Variants in EXOC4 observed in about 807,000 individuals in gnomAD.
EXOC4 encodes the protein exocyst complex component 4, also known as SEC8-like 1.
In EXOC4, 71 loss-of-function variants were observed where a neutral mutation model predicts 107.2. The observed-to-expected ratio is 0.66, with a 90% confidence interval of 0.55 to 0.81. The LOEUF (loss-of-function observed/expected upper bound fraction) is 0.81, where lower values mean the gene tolerates loss of function less well. Among genes scored for constraint, EXOC4 ranks in the 30% least tolerant of loss-of-function variants. The pLI, the probability that EXOC4 is intolerant of heterozygous loss-of-function variation, is 0.00. For missense variants in EXOC4, 1,108 were observed against 1,189.6 expected (o/e 0.93, Z 1.01); for synonymous variants, 456 against 441.2 (o/e 1.03, Z -0.42).
intron 9 of EXOC4, among the ~76,000 whole-genome samples, chr7:133,578,091 C>T (rs1801172520): frequency 6.6e-6 from 1 of 152,114 alleles, no homozygotes; most frequent in Non-Finnish European, 1.5e-5. Flanking sequence ...TGAATTATTA[C>T]CCATATTATT....
intron 15 of EXOC4, among the ~76,000 whole-genome samples, chr7:134,000,232 T>C (rs568617944): frequency 1.8e-3 from 268 of 152,258 alleles, no homozygotes; most frequent in African/African-American, 6.3e-3. Flanking sequence ...GGATAGTGAA[T>C]GTAGATGCAC....
At chr7:133,935,525 C>CTGTAAGACGCTGTGGTTGGTATT (rs1329998807) in intron 13 of EXOC4, among the ~76,000 whole-genome samples, 1 of 152,140 alleles carries the variant, frequency 6.6e-6, no homozygotes, top group Non-Finnish European at 1.5e-5. Flanking sequence ...AAAGTCTGGG[C>CTGTAAGACGCTGTGGTTGGTATT]TGTAAGACGC....
intron 6 of EXOC4, among the ~76,000 whole-genome samples, chr7:133,361,269 C>G (rs893599927): frequency 6.6e-6 from 1 of 152,068 alleles, no homozygotes; most frequent in African/African-American, 2.4e-5. Context: ...TTGCTTACCT[C>G]TGTATTGATT....
In EXOC4 at chr7:133,698,506, T is replaced by C. The variant is rs77099063; in HGVS notation, c.1514+68365T>C. ...CTGAGGTGGGAGATGCACCTGTGTG[T>C]ATGAGGTTGAGGTTGCAGTGAGCCA... On this transcript the variant is annotated intron_variant, in intron 10 of 17. Transcript: ENST00000253861. 9.4e-3 allele frequency among the ~76,000 whole-genome samples: 1,414 copies of C among 150,892 alleles called. 25 individuals are homozygous for C. The highest frequency in any genetic ancestry group is 0.032 in the African/African-American group (1,309 of 41,024).
At chr7:133,908,913 G>T (rs145356765) in intron 12 of EXOC4, among the ~76,000 whole-genome samples, 1 of 151,962 alleles carries the variant, frequency 6.6e-6, no homozygotes, top group Admixed American at 6.6e-5. Context: ...CAGTATACAC[G>T]GGCCGTGGTG....
Position 133,727,050 on chromosome 7 carries a change from A to G in EXOC4, c.1515-90275A>G, listed in dbSNP as rs143189499. ...TGAGATAGTTCCATTAAATTTATTC[A>G]AATATTGCACTTATTGCCTGTCAGA... On this transcript the variant is annotated intron_variant, in intron 10 of 17. Transcript: ENST00000253861. 2.1e-3 allele frequency among the ~76,000 whole-genome samples: 319 copies of G among 152,330 alleles called. 2 individuals carry two copies. The highest frequency in any genetic ancestry group is 7.4e-3 in the African/African-American group (307 of 41,572).
intron 10 of EXOC4, among the ~76,000 whole-genome samples, chr7:133,695,630 A>G (rs1794517109): frequency 6.6e-6 from 1 of 152,204 alleles, no homozygotes; most frequent in Non-Finnish European, 1.5e-5. Flanking sequence ...TGTTATAATT[A>G]ACTAATGACA....
intron 9 of EXOC4, among the ~76,000 whole-genome samples, chr7:133,551,352 T>G (rs555970075): frequency 2.0e-5 from 3 of 152,276 alleles, no homozygotes; most frequent in African/African-American, 7.2e-5. Context: ...ACTTGCTGAT[T>G]TTGTCATTTG....
intron 14 of EXOC4, among the ~76,000 whole-genome samples, chr7:133,960,107 AG>A (rs1800908330): frequency 1.3e-5 from 2 of 152,220 alleles, no homozygotes; most frequent in East Asian, 3.9e-4. Context: ...GGAAGCAGCT[AG>A]CCCAGAGAGG....
At chr7:133,338,547 T>C (rs1240343342) in intron 5 of EXOC4, among the ~76,000 whole-genome samples, 1 of 131,886 alleles carries the variant, frequency 7.6e-6, no homozygotes, top group East Asian at 2.4e-4. Flanking sequence ...GAGCCGAGAT[T>C]GCGCCACTGC....
chr7:133,298,174 CT>C (rs1463120864), intron 3 of EXOC4, among the ~76,000 whole-genome samples: 1 of 152,126 alleles, frequency 6.6e-6, no homozygotes, highest in Non-Finnish European at 1.5e-5. Context: ...ATACTAATTA[CT>C]TGTGGTTGCC....
intron 14 of EXOC4, among the ~76,000 whole-genome samples, chr7:133,968,491 C>A (rs1801123792): frequency 6.6e-6 from 1 of 152,130 alleles, no homozygotes; most frequent in African/African-American, 2.4e-5. Flanking sequence ...CTTTTCTTTT[C>A]CATATTTAGT....
chr7:133,747,814 G>A (rs1228179466), intron 10 of EXOC4, among the ~76,000 whole-genome samples: 3 of 152,090 alleles, frequency 2.0e-5, no homozygotes, highest in Admixed American at 6.6e-5. Context: ...CAACATAACT[G>A]CTCCTATTCT....
At chr7:133,639,933 T>A (rs1231588378) in intron 10 of EXOC4, among the ~76,000 whole-genome samples, 1 of 152,120 alleles carries the variant, frequency 6.6e-6, no homozygotes, top group African/African-American at 2.4e-5. Context: ...GGTATCACTC[T>A]TTAGTGAAGG....
chr7:133,663,444 C>T (rs1181264007), intron 10 of EXOC4, among the ~76,000 whole-genome samples: 1 of 152,142 alleles, frequency 6.6e-6, no homozygotes, highest in Non-Finnish European at 1.5e-5. Context: ...TCACTGAACC[C>T]CAGCCTTAAA....
chr7:133,711,754 T>G lies in EXOC4; in HGVS notation c.1514+81613T>G, dbSNP rs1307419098. On this transcript the variant is annotated intron_variant, in intron 10 of 17. Coordinates refer to ENST00000253861, the MANE Select transcript of EXOC4 (RefSeq NM_021807.4). The stretch of plus-strand genomic sequence containing the variant: ...AGCAGGAATCATTTAGGAGATTTCC[T>G]GGTTGGGAGAGAGGGTTCATTTCAT... Among the ~76,000 whole-genome samples the G allele has an allele frequency of 6.6e-5, 10 of 152,334 alleles. No homozygotes were observed. The South Asian group carries it at 1.4e-3, about 22-fold the overall frequency.
At chr7:133,422,145 A>G (rs1797621550) in intron 7 of EXOC4, among the ~76,000 whole-genome samples, 2 of 152,142 alleles carry the variant, frequency 1.3e-5, no homozygotes. Context: ...TGGGCCCATC[A>G]TTTTTGCTTA....
chr7:133,599,080 T>G (rs1398572896), intron 9 of EXOC4, among the ~76,000 whole-genome samples: 1 of 152,210 alleles, frequency 6.6e-6, no homozygotes, highest in Non-Finnish European at 1.5e-5. Context: ...AGTTTTAAAA[T>G]GTGACTACCT....
At chr7:133,614,544 C>G (rs1190852549) in intron 9 of EXOC4, among the ~76,000 whole-genome samples, 1 of 151,996 alleles carries the variant, frequency 6.6e-6, no homozygotes, top group African/African-American at 2.4e-5. Flanking sequence ...CTTTAAGGCT[C>G]ATTGCACATG....
Sources: gnomAD v4.1 joint callset for allele counts (sites outside exome capture counted in the v4.1 genomes callset) on GRCh38, gnomAD v4.1.1 for gene constraint, MANE v1.5 for transcripts, NCBI Gene and HGNC (gene_info 2026-07-23, HGNC 2026-07-21) for gene names.